Variants in FLII observed in about 807,000 individuals in gnomAD.
The protein encoded by FLII is FLII actin remodeling protein, also known as protein flightless-1 homolog.
In FLII, 101 loss-of-function variants were observed where a neutral mutation model predicts 156.2. That is an observed-to-expected ratio of 0.65 (90% CI 0.55 to 0.76). The LOEUF (loss-of-function observed/expected upper bound fraction) is 0.76. Ranked by LOEUF, FLII falls within the 30% of genes least tolerant of loss-of-function variation. FLII has a pLI of 0.00. For synonymous variants in FLII, 767 were observed against 685.8 expected (o/e 1.12, Z -1.85); for missense variants, 1,675 against 1,682.8 (o/e 1.00, Z 0.08).
chr17:18,254,961 G>C, intron 4 of FLII, 107 bp from the exon 5 acceptor site: 1 of 1,118,392 alleles, frequency 8.9e-7, no homozygotes, highest in Non-Finnish European at 1.4e-6. Context: ...GGGTAGATGA[G>C]GGGGCTTCAG....
In FLII at chr17:18,245,336, T is replaced by C. The variant is rs764239209; in HGVS notation, c.3675+18A>G. The C allele has an allele frequency of 3.1e-6, 5 of 1,613,950 alleles. No individual in the cohort carries two copies. The highest frequency in any genetic ancestry group is 4.2e-6 in the Non-Finnish European group (5 of 1,179,968). On this transcript the variant is annotated intron_variant, in intron 29 of 29. Coordinates refer to ENST00000327031, the MANE Select transcript of FLII (RefSeq NM_002018.4). ...CCTGCCCACAGGCCCACCTCGGCCCTCCCTCCACCCAGATTACCTGGCAGG... is the reference window on the plus strand; with the variant it reads ...CCTGCCCACAGGCCCACCTCGGCCCCCCCTCCACCCAGATTACCTGGCAGG...
rs924522553 is a variant in FLII at position 18,246,810 on chromosome 17, C to T, written c.2835G>A (p.Glu945=). The change falls in exon 23 of 30, where the codon GAG becomes GAA. Residue 945 remains glutamate, a synonymous_variant. Coordinates refer to ENST00000327031, the MANE Select transcript of FLII (RefSeq NM_002018.4). ...CTTCCTTCTTTTCCTCCTCCTCGTA[C>T]TCCACAGGCACCCAGTACCTGCCGG... ...VFLCRYWVPV[E]YEEEEKKEDK... 4 of 1,614,000 alleles carry T rather than the reference C, an allele frequency of 2.5e-6. No homozygotes were observed. Among genetic ancestry groups the T allele is most frequent in the African/African-American group, 1.3e-5 (1 of 74,918 alleles).
At position 18,247,277 on chromosome 17, in the gene FLII, G is replaced by A. The variant is rs1171816678; in HGVS notation, c.2568C>T (p.Ser856=). ...GTTTCACCTTCCCGGAGAGACCCGG[G>A]CTCTGCAGCACGGCCTCCGCATTGC... is the stretch of plus-strand genomic sequence containing the variant. The part of the protein sequence containing the change: ...YTRNAEAVLQ[S]PGLSGKVKRD... Residue 856 remains serine, a synonymous_variant, in exon 21 of 30, where the codon AGC becomes AGT. Coordinates refer to ENST00000327031, the MANE Select transcript of FLII (RefSeq NM_002018.4). 1 of 1,612,768 alleles carries A rather than the reference G, an allele frequency of 6.2e-7. No homozygotes were observed. The highest frequency in any genetic ancestry group is 8.5e-7 in the Non-Finnish European group (1 of 1,179,834).
chr17:18,255,260 T>A lies in FLII; in HGVS notation c.250A>T (p.Ile84Phe). The A allele has an allele frequency of 6.2e-7, 1 of 1,613,406 alleles. No homozygotes were observed. The highest frequency in any genetic ancestry group is 8.5e-7 in the Non-Finnish European group (1 of 1,179,410). Residue 84 changes from isoleucine to phenylalanine, a missense_variant, in exon 4 of 30, where the codon ATC (isoleucine) becomes TTC (phenylalanine). Ile to Phe is a conservative substitution (Grantham distance 21). Coordinates refer to ENST00000327031, the MANE Select transcript of FLII (RefSeq NM_002018.4). ...ELSSLPSLRA[I>F]VARANSLKNS... is the part of the protein sequence containing the mutation. ...TTCAGACTGTTGGCTCGGGCCACGA[T>A]GGCCTGGGAATAAACCATAAGAGTC...
Position 18,246,403 on chromosome 17 carries a change from CT to C in FLII, c.3110del (p.Lys1037SerfsTer85). The C allele has an allele frequency of 6.2e-7, 1 of 1,614,056 alleles. No homozygotes were observed. The highest frequency in any genetic ancestry group is 8.5e-7 in the Non-Finnish European group (1 of 1,179,994). Reference sequence around the variant, plus strand: ...TCCTCTTGCCCCGGTGGATGATGAACTTCCTCTTGAAATGGGACAGGAACTT... The same window carrying C: ...TCCTCTTGCCCCGGTGGATGATGAACTCCTCTTGAAATGGGACAGGAACTT... ...NPKFLSHFKR[K>X]FIIHRGKRKA... On this transcript the variant is annotated frameshift_variant, in exon 24 of 30. Coordinates refer to ENST00000327031, the MANE Select transcript of FLII (RefSeq NM_002018.4). LOFTEE classifies it high-confidence loss of function.
In FLII at chr17:18,249,171, G is replaced by T. The variant is rs771789019; in HGVS notation, c.1890C>A (p.Ile630=). The T allele has an allele frequency of 1.9e-5, 31 of 1,614,182 alleles. No homozygotes were observed. The South Asian group carries it at 2.9e-4, about 15-fold the overall frequency. Residue 630 remains isoleucine, a synonymous_variant, in exon 16 of 30, where the codon ATC becomes ATA. Transcript: ENST00000327031. ...CCTTGAGGGGCACAGGCTCCAACTT[G>T]ATGTTCTTTTTCCCATACACACGAT... is the stretch of plus-strand genomic sequence containing the variant. The part of the protein sequence containing the change: ...RMYRVYGKKN[I]KLEPVPLKGT...
chr17:18,256,703 G>A (rs2048428541), intron 2 of FLII, 106 bp from the exon 3 acceptor site: 1 of 1,023,506 alleles, frequency 9.8e-7, no homozygotes, highest in South Asian at 1.4e-5. Context: ...AGCCACACTG[G>A]CCCAACTACC....
At position 18,251,037 on chromosome 17, in the gene FLII, C is replaced by A; in HGVS notation, c.1597-20G>T. ...AAAGGTCTGGAAGCCAAGGCACCGG[C>A]CACATCAGCTTTCATCCTGGTCTTC... On this transcript the variant is annotated intron_variant, in intron 13 of 29. Transcript: ENST00000327031. The A allele has an allele frequency of 6.2e-7, 1 of 1,606,540 alleles. No individual in the cohort carries two copies. Among genetic ancestry groups the A allele is most frequent in the South Asian group, 1.1e-5 (1 of 90,318 alleles).
chr17:18,254,859 G>A lies in FLII; in HGVS notation c.328-5C>T. The A allele has an allele frequency of 2.5e-6, 4 of 1,614,078 alleles. No individual in the cohort carries two copies. The highest frequency in any genetic ancestry group is 2.2e-5 in the East Asian group (1 of 44,878). ...CAGCTGGTTGTGGCTCAAGTCCTGG[G>A]TAGAAGGGGCAAGACCCAGGTCAGG... On this transcript the variant is annotated splice_polypyrimidine_tract_variant and splice_region_variant and intron_variant, in intron 4 of 29. Coordinates refer to ENST00000327031, the MANE Select transcript of FLII (RefSeq NM_002018.4).
At position 18,253,478 on chromosome 17, in the gene FLII, G is replaced by A. The variant is rs759120337; in HGVS notation, c.856-20C>T. 1 of 1,613,806 alleles carries A rather than the reference G, an allele frequency of 6.2e-7. No individual in the cohort carries two copies. The highest frequency in any genetic ancestry group is 8.5e-7 in the Non-Finnish European group (1 of 1,179,990). ...GGCTGACTGGAGGGGGAACGGGCAG[G>A]GGTGGGAGGTCAGGGCCAGGCTCAC... On this transcript the variant is annotated intron_variant, in intron 8 of 29. Coordinates refer to ENST00000327031, the MANE Select transcript of FLII (RefSeq NM_002018.4).
In FLII at chr17:18,247,311, T is replaced by A; in HGVS notation, c.2534A>T (p.Asp845Val). The change falls in exon 21 of 30, where the codon GAC (aspartate) becomes GTC (valine). Residue 845 changes from aspartate to valine, a missense_variant. Asp to Val is a radical substitution (Grantham distance 152, BLOSUM62 -3). Transcript: ENST00000327031. ...FKNWDDVLTVDYTRNAEAVLQ... is the reference protein window; with the variant it reads ...FKNWDDVLTVVYTRNAEAVLQ... Reference sequence around the variant, plus strand: ...CACGGCCTCCGCATTGCGTGTGTAGTCCACCGTCAACACATCGTCCCAATT... The same window carrying A: ...CACGGCCTCCGCATTGCGTGTGTAGACCACCGTCAACACATCGTCCCAATT... The A allele has an allele frequency of 6.2e-7, 1 of 1,609,828 alleles. No individual in the cohort carries two copies. Among genetic ancestry groups the A allele is most frequent in the Non-Finnish European group, 8.5e-7 (1 of 1,178,782 alleles).
At position 18,248,696 on chromosome 17, in the gene FLII, T is replaced by A; in HGVS notation, c.2044A>T (p.Asn682Tyr). The change falls in exon 18 of 30, where the codon AAT becomes TAT. Residue 682 changes from asparagine to tyrosine, a missense_variant. Coordinates refer to ENST00000327031, the MANE Select transcript of FLII (RefSeq NM_002018.4). ...ATCTCAGCCTTCCCTTTCCGCTCAT[T>A]CTTGTTAATTTTCTCTGCAAAGAGC... ...ARLFAEKINK[N>Y]ERKGKAEITL... 5.0e-6 allele frequency: 8 copies of A among 1,613,674 alleles called. No individual in the cohort carries two copies. Among genetic ancestry groups the A allele is most frequent in the Non-Finnish European group, 6.8e-6 (8 of 1,179,646 alleles).
rs2048075417 is a variant in FLII, at chr17:18,246,785, C to T, written c.2860G>A (p.Asp954Asn). The T allele has an allele frequency of 6.2e-7, 1 of 1,614,124 alleles. No individual in the cohort carries two copies. Among genetic ancestry groups the T allele is most frequent in the Non-Finnish European group, 8.5e-7 (1 of 1,179,990 alleles). ...TTGCCCTCGGCCTTCTCCTCCTTGT[C>T]TTCCTTCTTTTCCTCCTCCTCGTAC... ...VEYEEEEKKEDKEEKAEGKEG... is the reference protein window; with the variant it reads ...VEYEEEEKKENKEEKAEGKEG... Residue 954 changes from aspartate (D) to asparagine (N), a missense_variant, in exon 23 of 30, where the codon GAC (aspartate) becomes AAC (asparagine). Asp to Asn is a conservative substitution (Grantham distance 23). Transcript: ENST00000327031.
intron 15 of FLII, 55 bp from the exon 16 acceptor site, chr17:18,249,256 C>A: frequency 6.2e-7 from 1 of 1,611,062 alleles, no homozygotes; most frequent in East Asian, 2.2e-5. Flanking sequence ...AACTTAGCCC[C>A]AACACCCTCC....
At chr17:18,257,327 CA>C in intron 1 of FLII, 1 of 355,622 alleles carries the variant, frequency 2.8e-6, no homozygotes, top group East Asian at 5.4e-5. Flanking sequence ...TAGCTCGGCT[CA>C]AATTCCTTCA....
In FLII at chr17:18,256,988, A is replaced by G. The variant is rs1305862730; in HGVS notation, c.95T>C (p.Met32Thr). ...CAGCTTCAGCCACCGCAGGCTGGTCATGGCCTTGACATTCTCAGGGAAGTA... is the reference window on the plus strand; with the variant it reads ...CAGCTTCAGCCACCGCAGGCTGGTCGTGGCCTTGACATTCTCAGGGAAGTA... ...GGYFPENVKA[M>T]TSLRWLKLNR... The change falls in exon 2 of 30, where the codon ATG becomes ACG. Residue 32 changes from methionine to threonine, a missense_variant. Physicochemically the swap from Met to Thr is moderately conservative, Grantham distance 81 (BLOSUM62 -1). Transcript: ENST00000327031. 4 of 1,611,172 alleles carry G rather than the reference A, an allele frequency of 2.5e-6. No individual in the cohort carries two copies. In the African/African-American group the frequency reaches 4.0e-5, roughly 16 times the overall value.
In FLII at chr17:18,252,043, C is replaced by T. The variant is rs375688262; in HGVS notation, c.1202G>A (p.Arg401Gln). 6.3e-5 allele frequency: 102 copies of T among 1,613,196 alleles called. No homozygotes were observed. The highest frequency in any genetic ancestry group is 8.0e-5 in the Non-Finnish European group (94 of 1,179,956). The part of the protein sequence containing the change: ...NIDFSLQNQL[R>Q]LAGASPATVA... The stretch of plus-strand genomic sequence containing the variant: ...GGTAGCAGGAGAGGCACCCGCTAGC[C>T]GCAGCTGGTTCTGCAGCGAGAAGTC... Residue 401 changes from arginine to glutamine, a missense_variant, in exon 11 of 30, where the codon CGG becomes CAG. Physicochemically the swap from Arg to Gln is conservative, Grantham distance 43. Coordinates refer to ENST00000327031, the MANE Select transcript of FLII (RefSeq NM_002018.4).
In FLII at chr17:18,245,929, C is replaced by CT. The variant is rs2048031286; in HGVS notation, c.3396+4dup. Reference sequence around the variant, plus strand: ...GTGTGCCCGCCTGCCCGCCCGCCTCCTGACCTGCTTGCTGTAGGAGGTGTC... The same window carrying CT: ...GTGTGCCCGCCTGCCCGCCCGCCTCCTTGACCTGCTTGCTGTAGGAGGTGTC... On this transcript the variant is annotated splice_donor_region_variant and intron_variant, in intron 26 of 29. Transcript: ENST00000327031. The CT allele has an allele frequency of 1.9e-6, 3 of 1,614,116 alleles. No homozygotes were observed. Among genetic ancestry groups the CT allele is most frequent in the Non-Finnish European group, 2.5e-6 (3 of 1,180,000 alleles).
At chr17:18,252,581 C>A (rs1413317229) in intron 9 of FLII, 25 bp from the exon 10 acceptor site, 1 of 1,600,518 alleles carries the variant, frequency 6.2e-7, no homozygotes, top group Admixed American at 1.7e-5. Flanking sequence ...CCAGCCAGGG[C>A]CTCAGGCAGG....
Sources: allele counts gnomAD v4.1 joint callset, GRCh38; gene constraint gnomAD v4.1.1; transcripts MANE v1.5; gene names NCBI Gene and HGNC (gene_info 2026-07-23, HGNC 2026-07-21).